PTPN14: variants seen among roughly 807,000 people sequenced by gnomAD.
PTPN14 encodes the protein protein tyrosine phosphatase non-receptor type 14.
Under a neutral mutation model 126.8 loss-of-function variants are expected in PTPN14, and 53 were observed. That is an observed-to-expected ratio of 0.42 (90% CI 0.34 to 0.53). PTPN14 has a LOEUF of 0.53. PTPN14 is among the 20% of genes least tolerant of loss of function. The pLI is 0.08. For missense variants in PTPN14, 1,257 were observed against 1,552.9 expected (o/e 0.81, Z 3.20); for synonymous variants, 630 against 599.3 (o/e 1.05, Z -0.75).
chr1:214,391,023 TG>T lies in PTPN14; in HGVS notation c.951del (p.Ile318SerfsTer59), dbSNP rs1215228251. 3.2e-6 allele frequency: 5 copies of T among 1,586,362 alleles called. No individual in the cohort carries two copies. The highest frequency in any genetic ancestry group is 1.2e-5 in the South Asian group (1 of 86,624). Reference protein sequence around the residue: ...ICTEQSNSPPPIRRQPTWSRS... With the variant: ...ICTEQSNSPPXIRRQPTWSRS... ...CGGCTCCAGGTGGGCTGGCGTCTGATGGGGGGTGGAGAATTTGACTGTCTAC... is the reference window on the plus strand; with the variant it reads ...CGGCTCCAGGTGGGCTGGCGTCTGATGGGGGTGGAGAATTTGACTGTCTAC... On this transcript the variant is annotated frameshift_variant, in exon 11 of 19. Coordinates refer to ENST00000366956, the MANE Select transcript of PTPN14 (RefSeq NM_005401.5). LOFTEE classifies it high-confidence loss of function.
intron 4 of PTPN14, among the ~76,000 whole-genome samples, chr1:214,412,283 A>G (rs190615594): frequency 3.9e-5 from 6 of 152,360 alleles, no homozygotes; most frequent in Admixed American, 3.3e-4. Flanking sequence ...ACCGTGGTAC[A>G]GTTTGAGCAC....
At chr1:214,531,551 C>T (rs1655549618) in intron 1 of PTPN14, 1 of 151,348 alleles carries the variant, frequency 6.6e-6, no homozygotes, top group African/African-American at 2.5e-5. Flanking sequence ...CATTCTCTGC[C>T]TATTCTGCCA....
intron 18 of PTPN14, among the ~76,000 whole-genome samples, chr1:214,358,746 C>CTTT (rs60944780): frequency 2.0e-4 from 29 of 145,462 alleles, no homozygotes; most frequent in African/African-American, 6.3e-4. Flanking sequence ...CTCATTATTC[C>CTTT]TTTTTTTTTT....
At chr1:214,360,608 C>T (rs1657933640) in intron 18 of PTPN14, among the ~76,000 whole-genome samples, 1 of 152,216 alleles carries the variant, frequency 6.6e-6, no homozygotes, top group South Asian at 2.1e-4. Context: ...GAGAATAAGG[C>T]TGTTCCCTCC....
intron 1 of PTPN14, among the ~76,000 whole-genome samples, chr1:214,493,757 C>G (rs1661300279): frequency 2.0e-5 from 3 of 152,104 alleles, no homozygotes; most frequent in Non-Finnish European, 4.4e-5. Flanking sequence ...TATATAATGT[C>G]ACACATATAT....
intron 1 of PTPN14, among the ~76,000 whole-genome samples, chr1:214,486,759 C>T (rs1176116402): frequency 6.6e-6 from 1 of 152,186 alleles, no homozygotes; most frequent in Non-Finnish European, 1.5e-5. Flanking sequence ...CAAAAACAAC[C>T]TCCCTGAACC....
chr1:214,366,008 T>G (rs3002301), intron 17 of PTPN14, among the ~76,000 whole-genome samples: 122,577 of 152,114 alleles, frequency 0.81, 49,985 homozygotes, highest in African/African-American at 0.93. Flanking sequence ...CTACTAAAAA[T>G]ACAAAAATCA....
chr1:214,469,637 G>C (rs912679419), intron 1 of PTPN14, among the ~76,000 whole-genome samples: 1 of 151,792 alleles, frequency 6.6e-6, no homozygotes, highest in African/African-American at 2.4e-5. Context: ...TAAAAGTATA[G>C]AGCCCTCATT....
chr1:214,513,858 C>T (rs1200536741), intron 1 of PTPN14, among the ~76,000 whole-genome samples: 1 of 152,062 alleles, frequency 6.6e-6, no homozygotes, highest in Non-Finnish European at 1.5e-5. Context: ...TGGCAAAAGT[C>T]GATTCTCATT....
At chr1:214,486,576 G>C (rs1215337838) in intron 1 of PTPN14, among the ~76,000 whole-genome samples, 1 of 152,074 alleles carries the variant, frequency 6.6e-6, no homozygotes, top group Admixed American at 6.6e-5. Context: ...CTTAGGGTTG[G>C]GACAATAGGA....
chr1:214,481,723 C>T lies in PTPN14; in HGVS notation c.-154-16766G>A, dbSNP rs148762463. ...AGAATGAGCTAGGCGCGGTGGCTCA[C>T]GCCTGTAATTCCAACACTTTGGGAG... On this transcript the variant is annotated intron_variant, in intron 1 of 18. Coordinates refer to ENST00000366956, the MANE Select transcript of PTPN14 (RefSeq NM_005401.5). 5.7e-3 allele frequency among the ~76,000 whole-genome samples: 870 copies of T among 151,984 alleles called. 9 individuals are homozygous for T. Among genetic ancestry groups the T allele is most frequent in the East Asian group, 0.035 (178 of 5,142 alleles).
intron 3 of PTPN14, among the ~76,000 whole-genome samples, chr1:214,423,459 ATC>A (rs1202376738): frequency 6.6e-6 from 1 of 152,152 alleles, no homozygotes; most frequent in East Asian, 1.9e-4. Flanking sequence ...TTACTCCAGC[ATC>A]TCTGTCACTG....
At chr1:214,500,872 C>T (rs1416110857) in intron 1 of PTPN14, among the ~76,000 whole-genome samples, 1 of 152,068 alleles carries the variant, frequency 6.6e-6, no homozygotes, top group Non-Finnish European at 1.5e-5. Flanking sequence ...GAAGAAAAGG[C>T]AGATTAGCTT....
At chr1:214,537,792 G>A (rs1655743043) in intron 1 of PTPN14, among the ~76,000 whole-genome samples, 1 of 152,114 alleles carries the variant, frequency 6.6e-6, no homozygotes, top group African/African-American at 2.4e-5. Flanking sequence ...CATCTATGAC[G>A]GTGCTGTCCA....
chr1:214,510,701 T>G (rs1404810150), intron 1 of PTPN14, among the ~76,000 whole-genome samples: 1 of 152,164 alleles, frequency 6.6e-6, no homozygotes, highest in Non-Finnish European at 1.5e-5. Context: ...GGTAAGGCAA[T>G]CCCTCTACTT....
intron 2 of PTPN14, among the ~76,000 whole-genome samples, chr1:214,464,025 G>A (rs916664127): frequency 2.6e-5 from 4 of 152,276 alleles, no homozygotes; most frequent in Admixed American, 2.6e-4. Flanking sequence ...TAAGTGGTCA[G>A]CCCTGCTTTT....
At chr1:214,513,023 C>T (rs970821625) in intron 1 of PTPN14, among the ~76,000 whole-genome samples, 9 of 152,092 alleles carry the variant, frequency 5.9e-5, no homozygotes, top group Middle Eastern at 3.2e-3. Flanking sequence ...ATTTTAAAAT[C>T]CCCACCAAGA....
intron 1 of PTPN14, among the ~76,000 whole-genome samples, chr1:214,501,282 C>T (rs147708413): frequency 6.6e-6 from 1 of 152,184 alleles, no homozygotes; most frequent in African/African-American, 2.4e-5. Context: ...GCTCTTTTCG[C>T]CCAGACTGCA....
chr1:214,476,285 G>A (rs1415711729), intron 1 of PTPN14, among the ~76,000 whole-genome samples: 1 of 152,214 alleles, frequency 6.6e-6, no homozygotes, highest in Non-Finnish European at 1.5e-5. Flanking sequence ...AAAGCAAATG[G>A]AAAGGTTTTC....
Sources: gnomAD v4.1 joint callset for allele counts (sites outside exome capture counted in the v4.1 genomes callset) on GRCh38, gnomAD v4.1.1 for gene constraint, MANE v1.5 for transcripts, NCBI Gene and HGNC (gene_info 2026-07-23, HGNC 2026-07-21) for gene names.